The following SMYD3 variants were observed in gnomAD, a reference collection of about 807,000 sequenced individuals.
The protein encoded by SMYD3 is histone-lysine N-methyltransferase SMYD3.
SMYD3 carries 36 observed loss-of-function variants against 57.7 expected under a neutral mutation model. The ratio of observed to expected loss-of-function variants is 0.62; its 90% confidence interval spans 0.48 to 0.82. The LOEUF is 0.82. SMYD3 is among the 40% of genes least tolerant of loss of function. The probability of loss-of-function intolerance (pLI) is 0.00; values close to 1 mark genes in which losing one functional copy is unlikely to be tolerated. For synonymous variants in SMYD3, 211 were observed against 195.0 expected (o/e 1.08, Z -0.68); for missense variants, 515 against 538.8 (o/e 0.96, Z 0.44).
At chr1:246,033,136 A>T (rs1270057859) in intron 5 of SMYD3, among the ~76,000 whole-genome samples, 1 of 152,196 alleles carries the variant, frequency 6.6e-6, no homozygotes, top group Non-Finnish European at 1.5e-5. Context: ...GTAATAAAAA[A>T]CTGGAAGCAA....
intron 5 of SMYD3, among the ~76,000 whole-genome samples, chr1:245,966,224 T>G (rs536118238): frequency 1.3e-5 from 2 of 152,278 alleles, no homozygotes; most frequent in Non-Finnish European, 2.9e-5. Flanking sequence ...CAGCCTGAAG[T>G]ACAGTGGTGC....
At chr1:245,884,872 A>C (rs943660385) in intron 8 of SMYD3, among the ~76,000 whole-genome samples, 1 of 143,792 alleles carries the variant, frequency 7.0e-6, no homozygotes, top group Non-Finnish European at 1.5e-5. Context: ...GCAGGGCCAA[A>C]TAAGGGAATA....
intron 10 of SMYD3, among the ~76,000 whole-genome samples, chr1:245,831,533 TG>T (rs2049832920): frequency 1.3e-5 from 2 of 152,196 alleles, no homozygotes; most frequent in South Asian, 4.1e-4. Flanking sequence ...TTTCCATCAG[TG>T]AGAAACGCAC....
At chr1:245,855,102 C>T (rs1013065417) in intron 10 of SMYD3, among the ~76,000 whole-genome samples, 6 of 152,036 alleles carry the variant, frequency 3.9e-5, no homozygotes, top group African/African-American at 1.4e-4. Context: ...CCTTTCTGTC[C>T]TCTTAAATTG....
At position 246,387,724 on chromosome 1, in the gene SMYD3, G is replaced by A. The variant is rs549809075; in HGVS notation, c.165-32630C>T. 7.2e-5 allele frequency among the ~76,000 whole-genome samples: 11 copies of A among 152,266 alleles called. No homozygotes were observed. The East Asian group carries it at 2.1e-3, about 29-fold the overall frequency. The stretch of plus-strand genomic sequence containing the variant: ...GAAGGACTTCTAGTTACAGCTATGT[G>A]GAGAAGTCAGTAATTTGTTACTATA... On this transcript the variant is annotated intron_variant, in intron 1 of 11. Coordinates refer to ENST00000490107, the MANE Select transcript of SMYD3 (RefSeq NM_001167740.2).
At chr1:246,260,902 A>G (rs2063996007) in intron 5 of SMYD3, among the ~76,000 whole-genome samples, 1 of 152,214 alleles carries the variant, frequency 6.6e-6, no homozygotes, top group Non-Finnish European at 1.5e-5. Flanking sequence ...TAAAGGAAAC[A>G]GCTTGTAGAG....
chr1:245,807,002 G>A (rs1364887656), intron 10 of SMYD3, among the ~76,000 whole-genome samples: 1 of 148,072 alleles, frequency 6.8e-6, no homozygotes, highest in Non-Finnish European at 1.5e-5. Context: ...ACAGAGAAAT[G>A]AGTCAGGATT....
chr1:246,025,225 T>C (rs946567867), intron 5 of SMYD3, among the ~76,000 whole-genome samples: 10 of 128,760 alleles, frequency 7.8e-5, no homozygotes, highest in Non-Finnish European at 1.3e-4. Flanking sequence ...GTGAACAGCA[T>C]CTAGGAAGGG....
chr1:245,780,207 A>T (rs1392900112), intron 10 of SMYD3, among the ~76,000 whole-genome samples: 1 of 152,256 alleles, frequency 6.6e-6, no homozygotes, highest in Non-Finnish European at 1.5e-5. Context: ...ACACAAGTCC[A>T]TGCAAAAACA....
chr1:245,818,214 C>A (rs1000016223), intron 10 of SMYD3, among the ~76,000 whole-genome samples: 1 of 152,230 alleles, frequency 6.6e-6, no homozygotes. Flanking sequence ...AGAAACCCTA[C>A]AAGCCAGAAG....
intron 8 of SMYD3, among the ~76,000 whole-genome samples, chr1:245,893,889 G>A (rs530452365): frequency 6.6e-6 from 1 of 152,302 alleles, no homozygotes; most frequent in East Asian, 1.9e-4. Flanking sequence ...AGGTCTATCT[G>A]TTACTCTTAT....
intron 5 of SMYD3, among the ~76,000 whole-genome samples, chr1:246,274,596 A>G (rs919474001): frequency 6.6e-6 from 1 of 152,208 alleles, no homozygotes; most frequent in African/African-American, 2.4e-5. Context: ...GATTTTCACA[A>G]TTCAGGTTGA....
At chr1:246,438,526 A>T (rs1018219785) in intron 1 of SMYD3, among the ~76,000 whole-genome samples, 1 of 151,582 alleles carries the variant, frequency 6.6e-6, no homozygotes, top group South Asian at 2.1e-4. Flanking sequence ...CAGGACACCA[A>T]CCCCCTCCCT....
At chr1:246,410,985 T>A (rs937495525) in intron 1 of SMYD3, among the ~76,000 whole-genome samples, 4 of 151,502 alleles carry the variant, frequency 2.6e-5, no homozygotes, top group African/African-American at 9.7e-5. Context: ...TCTCTGATGG[T>A]AGTTTGTATT....
chr1:246,445,793 TATA>T (rs2067543878), intron 1 of SMYD3, among the ~76,000 whole-genome samples: 1 of 151,380 alleles, frequency 6.6e-6, no homozygotes. Flanking sequence ...ACTTAATTCT[TATA>T]AACACTCTCA....
In SMYD3 at chr1:246,386,968, C is replaced by T. The variant is rs1389937375; in HGVS notation, c.165-31874G>A. 4.6e-5 allele frequency among the ~76,000 whole-genome samples: 7 copies of T among 151,816 alleles called. No individual in the cohort carries two copies. The East Asian group carries it at 1.4e-3, about 29-fold the overall frequency. On this transcript the variant is annotated intron_variant, in intron 1 of 11. Coordinates refer to ENST00000490107, the MANE Select transcript of SMYD3 (RefSeq NM_001167740.2). ...TAAGCGAGAGTCTTCGAGGTATAGG[C>T]CAGTACATTAATATCCTTTGGGGAA...
At chr1:245,889,488 G>A (rs1457449389) in intron 8 of SMYD3, among the ~76,000 whole-genome samples, 2 of 152,124 alleles carry the variant, frequency 1.3e-5, no homozygotes, top group Non-Finnish European at 2.9e-5. Flanking sequence ...CACTGAAGAG[G>A]TCTGTTTTCA....
chr1:245,926,781 C>G (rs1232713504), intron 7 of SMYD3, among the ~76,000 whole-genome samples: 3 of 152,196 alleles, frequency 2.0e-5, no homozygotes, highest in Non-Finnish European at 2.9e-5. Flanking sequence ...GCAGCAGCCG[C>G]TCTTCAGCCC....
At chr1:246,488,269 C>G (rs1304781433) in intron 1 of SMYD3, among the ~76,000 whole-genome samples, 2 of 152,168 alleles carry the variant, frequency 1.3e-5, no homozygotes, top group Non-Finnish European at 2.9e-5. Context: ...CTGAAACTAA[C>G]AGAAGAAAGG....
Sources: gnomAD v4.1 joint callset for allele counts (sites outside exome capture counted in the v4.1 genomes callset) on GRCh38, gnomAD v4.1.1 for gene constraint, MANE v1.5 for transcripts, NCBI Gene and HGNC (gene_info 2026-07-23, HGNC 2026-07-21) for gene names.